MYO5C: variants seen among roughly 807,000 people sequenced by gnomAD.
MYO5C encodes unconventional myosin-Vc.
A neutral mutation model predicts 235.7 loss-of-function variants in MYO5C; 194 were observed. The ratio of observed to expected loss-of-function variants is 0.82; its 90% CI spans 0.73 to 0.93. MYO5C has a LOEUF of 0.93. Ranked by LOEUF, MYO5C falls within the 40% of genes least tolerant of loss-of-function variation. The pLI is 0.00. For synonymous variants in MYO5C, 707 were observed against 754.8 expected (o/e 0.94, Z 1.04); for missense variants, 2,038 against 2,127.2 (o/e 0.96, Z 0.82).
At chr15:52,270,675 T>A (rs7169271) in intron 7 of MYO5C, among the ~76,000 whole-genome samples, 142,404 of 150,822 alleles carry the variant, frequency 0.94, 67,734 homozygotes, top group Non-Finnish European at 1. Flanking sequence ...TATATATATG[T>A]ATGTATGTAT....
intron 30 of MYO5C, 121 bp from the exon 31 acceptor site, chr15:52,219,943 C>T (rs758431093): frequency 5.9e-6 from 4 of 674,258 alleles, no homozygotes; most frequent in Non-Finnish European, 1.0e-5. Context: ...CTTTTGGCTT[C>T]TCTGGCCCAT....
At chr15:52,208,417 G>A (rs890225518) in intron 36 of MYO5C, 137 bp downstream of exon 36, 6 of 690,914 alleles carry the variant, frequency 8.7e-6, no homozygotes, top group Non-Finnish European at 1.2e-5. Flanking sequence ...TGCCTGTGGT[G>A]TATGCCCAAG....
At chr15:52,198,338 TAAAG>T (rs2035102619) in intron 38 of MYO5C, among the ~76,000 whole-genome samples, 1 of 152,120 alleles carries the variant, frequency 6.6e-6, no homozygotes, top group Non-Finnish European at 1.5e-5. Flanking sequence ...TTTCTCAAAA[TAAAG>T]AAAATCAGTC....
chr15:52,236,540 A>G lies in MYO5C; in HGVS notation c.2869-777T>C, dbSNP rs1020629240. On this transcript the variant is annotated intron_variant, in intron 22 of 40. Coordinates refer to ENST00000261839, the MANE Select transcript of MYO5C (RefSeq NM_018728.4). ...AAATACAAAAAATTAGCCGGGCGTC[A>G]TGGCGCATGCCTGTAATCCCAGCTA... 2.6e-5 allele frequency among the ~76,000 whole-genome samples: 4 copies of G among 152,322 alleles called. No individual in the cohort carries two copies. In the East Asian group the frequency reaches 7.7e-4, roughly 29 times the overall value.
intron 32 of MYO5C, among the ~76,000 whole-genome samples, chr15:52,218,123 T>C (rs2035594548): frequency 6.6e-6 from 1 of 152,220 alleles, no homozygotes; most frequent in Admixed American, 6.5e-5. Context: ...CTAAAAATTG[T>C]AGGAAGGCCA....
At chr15:52,236,313 T>A (rs1406758135) in intron 22 of MYO5C, among the ~76,000 whole-genome samples, 1 of 152,110 alleles carries the variant, frequency 6.6e-6, no homozygotes, top group African/African-American at 2.4e-5. Context: ...CAGCACCGGG[T>A]CATGGGGAGG....
At chr15:52,269,386 ATTTTTTT>A (rs71130145) in intron 8 of MYO5C, among the ~76,000 whole-genome samples, 2 of 103,986 alleles carry the variant, frequency 1.9e-5, no homozygotes, top group African/African-American at 3.6e-5. Flanking sequence ...CCACCTTTTA[ATTTTTTT>A]TTTTTTTTTT....
At chr15:52,288,477 C>T (rs551852923) in intron 1 of MYO5C, among the ~76,000 whole-genome samples, 136 of 152,336 alleles carry the variant, frequency 8.9e-4, no homozygotes, top group African/African-American at 3.2e-3. Flanking sequence ...CCCTGCGATC[C>T]TGGTGCTTCT....
chr15:52,222,419 G>A (rs1333088952), intron 29 of MYO5C, among the ~76,000 whole-genome samples: 1 of 152,182 alleles, frequency 6.6e-6, no homozygotes, highest in African/African-American at 2.4e-5. Flanking sequence ...GGGTAGTAAG[G>A]AAGTAGGGGA....
intron 34 of MYO5C, 25 bp from the exon 35 acceptor site, chr15:52,211,909 A>T: frequency 6.2e-7 from 1 of 1,608,012 alleles, no homozygotes; most frequent in South Asian, 1.1e-5. Context: ...GCCAATGAGG[A>T]TTACAGCTGA....
intron 38 of MYO5C, among the ~76,000 whole-genome samples, chr15:52,201,659 A>T (rs1453863876): frequency 6.6e-6 from 1 of 152,206 alleles, no homozygotes; most frequent in African/African-American, 2.4e-5. Context: ...TTCTTCTCTT[A>T]TTGAGTTCTT....
chr15:52,283,372 C>T (rs546699314), intron 1 of MYO5C, among the ~76,000 whole-genome samples: 5 of 152,316 alleles, frequency 3.3e-5, no homozygotes, highest in Admixed American at 2.0e-4. Context: ...TAAAATGCTA[C>T]GAAAGTATTG....
At chr15:52,258,868 C>T (rs1343574662) in intron 10 of MYO5C, among the ~76,000 whole-genome samples, 1 of 152,160 alleles carries the variant, frequency 6.6e-6, no homozygotes, top group Admixed American at 6.5e-5. Context: ...ATTCAAATTC[C>T]TTATTACAGT....
chr15:52,202,542 G>A (rs1428578875), intron 38 of MYO5C, among the ~76,000 whole-genome samples: 1 of 152,112 alleles, frequency 6.6e-6, no homozygotes, highest in Non-Finnish European at 1.5e-5. Flanking sequence ...TCAGTCTTGG[G>A]GGATCCACTG....
At chr15:52,207,974 C>T (rs1192835751) in intron 36 of MYO5C, among the ~76,000 whole-genome samples, 1 of 152,076 alleles carries the variant, frequency 6.6e-6, no homozygotes, top group African/African-American at 2.4e-5. Context: ...CTGTCAATAC[C>T]AAGTGTTGGT....
At chr15:52,268,990 G>A (rs1284078220) in intron 8 of MYO5C, among the ~76,000 whole-genome samples, 1 of 152,252 alleles carries the variant, frequency 6.6e-6, no homozygotes, top group African/African-American at 2.4e-5. Context: ...TGTAGGGATT[G>A]AATGAGTTCA....
chr15:52,242,310 G>T, intron 19 of MYO5C, 97 bp from the exon 20 acceptor site: 1 of 1,348,456 alleles, frequency 7.4e-7, no homozygotes, highest in Non-Finnish European at 1.0e-6. Context: ...TATAAGGAAG[G>T]TTCAAATATT....
At chr15:52,276,038 C>A (rs1308352320) in intron 4 of MYO5C, among the ~76,000 whole-genome samples, 1 of 152,174 alleles carries the variant, frequency 6.6e-6, no homozygotes, top group Non-Finnish European at 1.5e-5. Context: ...CTTTTAAACT[C>A]TGTTCTTGAA....
At chr15:52,286,094 A>G (rs2037261236) in intron 1 of MYO5C, among the ~76,000 whole-genome samples, 1 of 147,448 alleles carries the variant, frequency 6.8e-6, no homozygotes, top group Non-Finnish European at 1.5e-5. Context: ...CCCGTCTGAG[A>G]AGTGAGGAGC....
Sources: gnomAD v4.1 joint callset for allele counts (sites outside exome capture counted in the v4.1 genomes callset) on GRCh38, gnomAD v4.1.1 for gene constraint, MANE v1.5 for transcripts, NCBI Gene and HGNC (gene_info 2026-07-23, HGNC 2026-07-21) for gene names.